TMCO6: variants seen among roughly 807,000 people sequenced by gnomAD.
TMCO6 encodes transmembrane and coiled-coil domains 6.
A neutral mutation model predicts 61.8 loss-of-function variants in TMCO6; 47 were observed. That is an observed-to-expected ratio of 0.76 (90% confidence interval 0.60 to 0.97). The LOEUF is 0.97. Ranked by LOEUF, TMCO6 falls within the 50% of genes least tolerant of loss-of-function variation. TMCO6 has a pLI of 0.00. For synonymous variants in TMCO6, 261 were observed against 254.2 expected (o/e 1.03, Z -0.25); for missense variants, 557 against 601.6 (o/e 0.93, Z 0.78).
At chr5:140,647,704 C>T (rs768376691), downstream of TMCO6, 1 of 1,404,538 alleles carries the variant, frequency 7.1e-7, no homozygotes, top group Non-Finnish European at 9.8e-7. Flanking sequence ...TAAAGCTTGG[C>T]CAATGATATA....
At chr5:140,646,009 C>CTTT (rs5871744), downstream of TMCO6, among the ~76,000 whole-genome samples, 4 of 124,124 alleles carry the variant, frequency 3.2e-5, no homozygotes, top group Non-Finnish European at 5.1e-5. Context: ...CATTCTCTCT[C>CTTT]TTTTTTTTTT....
the TMCO6 span, among the ~76,000 whole-genome samples, chr5:140,614,637 G>A: frequency 6.6e-6 from 1 of 150,946 alleles, no homozygotes. Context: ...TTTCGAGACA[G>A]AGTCTCGCTC....
the TMCO6 span, chr5:140,633,120 G>C: frequency 1.2e-6 from 2 of 1,612,640 alleles, no homozygotes; most frequent in Non-Finnish European, 1.7e-6. Flanking sequence ...CTCTGGAAGT[G>C]CTTTAGCTTC....
At chr5:140,605,147 G>A in the TMCO6 span, among the ~76,000 whole-genome samples, 15 of 152,050 alleles carry the variant, frequency 9.9e-5, no homozygotes, top group Non-Finnish European at 2.1e-4. Flanking sequence ...ATTTTAAATT[G>A]CTATTGCATA....
At chr5:140,610,717 A>G in the TMCO6 span, among the ~76,000 whole-genome samples, 17 of 152,248 alleles carry the variant, frequency 1.1e-4, no homozygotes, top group South Asian at 1.4e-3. Context: ...GATGCCATTT[A>G]TTTCTTTTAC....
chr5:140,633,149 C>A, the TMCO6 span: 1 of 1,584,770 alleles, frequency 6.3e-7, no homozygotes, highest in East Asian at 2.3e-5. Context: ...ACAGCGGCAC[C>A]CGCCGGCTTC....
the TMCO6 span, among the ~76,000 whole-genome samples, chr5:140,605,248 T>C: frequency 2.6e-5 from 4 of 152,240 alleles, no homozygotes; most frequent in Non-Finnish European, 4.4e-5. Flanking sequence ...TATGAGACTT[T>C]CTATTTATAG....
chr5:140,621,713 T>C, the TMCO6 span, among the ~76,000 whole-genome samples: 1 of 152,208 alleles, frequency 6.6e-6, no homozygotes, highest in East Asian at 1.9e-4. Flanking sequence ...ATGGGAGAAA[T>C]ATTGCTGAAT....
chr5:140,633,206 T>A, the TMCO6 span: 11 of 1,112,282 alleles, frequency 9.9e-6, no homozygotes, highest in Non-Finnish European at 1.5e-5. Context: ...ACAGTTTATG[T>A]AATCCTGGGA....
chr5:140,640,747 T>A (rs948519375), intron 2 of TMCO6, among the ~76,000 whole-genome samples: 4 of 152,230 alleles, frequency 2.6e-5, no homozygotes, highest in African/African-American at 9.7e-5. Context: ...GTTTGTCTAT[T>A]GTTATTTCTC....
rs768249065 is a variant in TMCO6 at position 140,642,426 on chromosome 5, C to T, written c.603+7C>T. The T allele has an allele frequency of 1.2e-6, 2 of 1,611,434 alleles. No homozygotes were observed. Among genetic ancestry groups the T allele is most frequent in the Non-Finnish European group, 1.7e-6 (2 of 1,178,594 alleles). ...CTTGGCTGCCTGCATCCAGGTGACT[C>T]CTTTCTTCCTCCCTGGGCAACCCTT... On this transcript the variant is annotated splice_region_variant and intron_variant, in intron 5 of 11. Transcript: ENST00000394671.
chr5:140,606,745 G>A, the TMCO6 span, among the ~76,000 whole-genome samples: 4 of 152,078 alleles, frequency 2.6e-5, no homozygotes, highest in African/African-American at 4.8e-5. Flanking sequence ...TGGGCAACAC[G>A]GTGAAACCCT....
At chr5:140,641,343 A>G (rs1581460754) in intron 2 of TMCO6, 2 of 275,840 alleles carry the variant, frequency 7.3e-6, no homozygotes, top group East Asian at 1.5e-4. Context: ...TGGCTAGAGG[A>G]GTAGGTTTTG....
the TMCO6 span, chr5:140,632,608 G>T: frequency 6.2e-7 from 1 of 1,613,958 alleles, no homozygotes; most frequent in Non-Finnish European, 8.5e-7. This position sits in a 1 kb window ranked among gnomAD's most constrained non-coding sequence, Gnocchi z 6.2. Flanking sequence ...GTTATCTTTA[G>T]GTCCTCGAGC....
chr5:140,619,493 C>A, the TMCO6 span, among the ~76,000 whole-genome samples: 3 of 152,136 alleles, frequency 2.0e-5, no homozygotes, highest in Non-Finnish European at 4.4e-5. Flanking sequence ...TAAGCATATT[C>A]TTTTCCTTTC....
chr5:140,604,725 C>G, the TMCO6 span, among the ~76,000 whole-genome samples: 1 of 147,302 alleles, frequency 6.8e-6, no homozygotes, highest in African/African-American at 2.5e-5. Flanking sequence ...AGTTGTTAAT[C>G]TATTTTGAGT....
downstream of TMCO6, chr5:140,645,476 T>G (rs774895169): frequency 2.8e-6 from 4 of 1,419,812 alleles, no homozygotes; most frequent in East Asian, 9.2e-5. Context: ...TGAGAAAGTA[T>G]TTTACAGCAC....
upstream of TMCO6, among the ~76,000 whole-genome samples, chr5:140,634,794 TTTA>T (rs1300058749): frequency 1.3e-5 from 2 of 151,154 alleles, no homozygotes; most frequent in African/African-American, 2.4e-5. Flanking sequence ...CTTTTTTACT[TTTA>T]TTTATTTATT....
chr5:140,640,745 A>G (rs1202480385), intron 2 of TMCO6, among the ~76,000 whole-genome samples: 2 of 152,062 alleles, frequency 1.3e-5, no homozygotes, highest in Admixed American at 1.3e-4. Flanking sequence ...TGGTTTGTCT[A>G]TTGTTATTTC....
Sources: allele counts gnomAD v4.1 joint callset (sites outside exome capture counted in the v4.1 genomes callset), GRCh38; gene constraint gnomAD v4.1.1; non-coding constraint Gnocchi (gnomAD v3.1); transcripts MANE v1.5; gene names NCBI Gene and HGNC (gene_info 2026-07-23, HGNC 2026-07-21).